WDR53: variants seen among roughly 807,000 people sequenced by gnomAD.
WDR53 encodes WD repeat-containing protein 53.
A neutral mutation model predicts 21.3 loss-of-function variants in WDR53; 19 were observed. The observed-to-expected ratio is 0.89, with a 90% CI of 0.62 to 1.31. The LOEUF is 1.31. Among genes scored for constraint, WDR53 ranks in the 50% most tolerant of loss-of-function variants. The probability of loss-of-function intolerance (pLI) is 0.00; values close to 1 mark genes in which losing one functional copy is unlikely to be tolerated. For missense variants in WDR53, 374 were observed against 423.2 expected (o/e 0.88, Z 1.02); for synonymous variants, 157 against 163.4 (o/e 0.96, Z 0.30).
At chr3:196,566,293 T>C (rs2108712151) in intron 2 of WDR53, among the ~76,000 whole-genome samples, 1 of 152,130 alleles carries the variant, frequency 6.6e-6, no homozygotes, top group East Asian at 1.9e-4. Context: ...TTTCACCATG[T>C]TGCCCAAGCT....
rs772433528 is a variant in WDR53, at chr3:196,554,717, G to C, written c.571C>G (p.Pro191Ala). 1 of 1,614,170 alleles carries C rather than the reference G, an allele frequency of 6.2e-7. No homozygotes were observed. The highest frequency in any genetic ancestry group is 8.5e-7 in the Non-Finnish European group (1 of 1,180,026). ...ETEEMEGPQS[P>A]GQLLNPALAH... ...AGGGCAGGGTTTAAGAGCTGACCAGGTGACTGTGGGCCTTCCATTTCTTCT... is the reference window on the plus strand; with the variant it reads ...AGGGCAGGGTTTAAGAGCTGACCAGCTGACTGTGGGCCTTCCATTTCTTCT... The change falls in exon 4 of 4, where the codon CCT (proline) becomes GCT (alanine). Residue 191 changes from proline (P) to alanine (A), a missense_variant. Coordinates refer to ENST00000332629, the MANE Select transcript of WDR53 (RefSeq NM_182627.3).
At chr3:196,558,940 C>A (rs1225206272) in intron 3 of WDR53, among the ~76,000 whole-genome samples, 1 of 152,208 alleles carries the variant, frequency 6.6e-6, no homozygotes, top group Non-Finnish European at 1.5e-5. Context: ...CTGAGCCTCC[C>A]TTTTTCAAAA....
chr3:196,563,575 C>CTTTTTTTTTTTTTTTTTTT (rs11332529), intron 2 of WDR53, among the ~76,000 whole-genome samples: 1 of 143,756 alleles, frequency 7.0e-6, no homozygotes, highest in African/African-American at 2.6e-5. Flanking sequence ...CAACACAAAG[C>CTTTTTTTTTTTTTTTTTTT]TTTTTTTTTT....
At chr3:196,560,433 G>C (rs1313900114) in intron 3 of WDR53, among the ~76,000 whole-genome samples, 1 of 152,066 alleles carries the variant, frequency 6.6e-6, no homozygotes, top group African/African-American at 2.4e-5. Context: ...GTAGAGACAG[G>C]GTTTCACCAC....
intron 3 of WDR53, among the ~76,000 whole-genome samples, chr3:196,557,104 G>C (rs1010977422): frequency 4.6e-5 from 7 of 152,198 alleles, no homozygotes; most frequent in African/African-American, 1.4e-4. Flanking sequence ...TGGGGCTTAT[G>C]GTTCTGCAAA....
rs2108716157 is a variant in WDR53 at position 196,567,300 on chromosome 3, C to T, written c.-440G>A. ...AACCAAAATGATTGAAGGGCTGTGG[C>T]GCTGGCACTGGTAAGAATGAAAAGA... On this transcript the variant is annotated 5_prime_UTR_variant, in exon 2 of 4. Transcript: ENST00000332629. 2 of 453,708 alleles carry T rather than the reference C, an allele frequency of 4.4e-6. No homozygotes were observed. The highest frequency in any genetic ancestry group is 3.1e-5 in the South Asian group (2 of 64,252). 28.1% of individuals were successfully genotyped at this position (453,708 alleles called of 1,614,324 possible).
intron 2 of WDR53, among the ~76,000 whole-genome samples, chr3:196,565,886 A>T (rs1735339979): frequency 6.6e-6 from 1 of 152,254 alleles, no homozygotes; most frequent in Admixed American, 6.5e-5. Flanking sequence ...GCAACTGGAA[A>T]GCCTGGCAGA....
rs1334308566 is a variant in WDR53, at chr3:196,560,989, G to C, written c.480+7C>G. On this transcript the variant is annotated splice_region_variant and intron_variant, in intron 3 of 3. Coordinates refer to ENST00000332629, the MANE Select transcript of WDR53 (RefSeq NM_182627.3). The stretch of plus-strand genomic sequence containing the variant: ...AATTCCCCAAGTACTCTGTGCAAAA[G>C]CATCACCTGCATATCCAGTCCACAT... 4 of 1,605,296 alleles carry C rather than the reference G, an allele frequency of 2.5e-6. No individual in the cohort carries two copies. Among genetic ancestry groups the C allele is most frequent in the Non-Finnish European group, 2.6e-6 (3 of 1,175,566 alleles).
chr3:196,566,078 A>G (rs1439826635), intron 2 of WDR53, among the ~76,000 whole-genome samples: 1 of 152,164 alleles, frequency 6.6e-6, no homozygotes, highest in Non-Finnish European at 1.5e-5. Flanking sequence ...GGGTGAGGGA[A>G]AGGTGAGTTT....
chr3:196,565,361 G>A (rs1386174548), intron 2 of WDR53, among the ~76,000 whole-genome samples: 3 of 152,012 alleles, frequency 2.0e-5, no homozygotes, highest in Non-Finnish European at 4.4e-5. Context: ...GATCACTTGA[G>A]GTCAGGAGTT....
rs1734285546 is a variant in WDR53 at position 196,556,044 on chromosome 3, T to C, written c.481-1237A>G. The stretch of plus-strand genomic sequence containing the variant: ...CACGAAGGAGTGCTGAAACTTGATA[T>C]GAAAATAGTTTTTTTTTTAAAAATA... On this transcript the variant is annotated intron_variant, in intron 3 of 3. Transcript: ENST00000332629. Among the ~76,000 whole-genome samples the C allele has an allele frequency of 1.3e-5, 2 of 152,066 alleles. 1 individual carries two copies. The highest frequency in any genetic ancestry group is 4.1e-4 in the South Asian group (2 of 4,826).
chr3:196,561,936 C>T lies in WDR53; in HGVS notation c.-16-445G>A, dbSNP rs143363317. Among the ~76,000 whole-genome samples the T allele has an allele frequency of 6.1e-3, 928 of 152,326 alleles. 7 individuals carry two copies. Among genetic ancestry groups the T allele is most frequent in the Admixed American group, 0.011 (167 of 15,292 alleles). ...TAGGGGACTGGGCAAATTACTGAAC[C>T]TGTCACCCACTTTTCTTCTCTATAA... is the stretch of plus-strand genomic sequence containing the variant. On this transcript the variant is annotated intron_variant, in intron 2 of 3. Coordinates refer to ENST00000332629, the MANE Select transcript of WDR53 (RefSeq NM_182627.3).
rs750343865 is a variant in WDR53 at position 196,561,095 on chromosome 3, TTTC to T, written c.378_380del (p.Lys127del). 4 of 1,614,246 alleles carry T rather than the reference TTTC, an allele frequency of 2.5e-6. No homozygotes were observed. The highest frequency in any genetic ancestry group is 3.4e-6 in the Non-Finnish European group (4 of 1,180,048). On this transcript the variant is annotated inframe_deletion, in exon 3 of 4. Transcript: ENST00000332629. ...AATGTCTCTTCAAGGATCTGATAAC[TTTC>T]TTGTTTTCCAAGTCTAGGATTTTGA...
intron 2 of WDR53, among the ~76,000 whole-genome samples, chr3:196,566,218 T>C (rs747586565): frequency 2.0e-5 from 3 of 151,958 alleles, no homozygotes; most frequent in Non-Finnish European, 4.4e-5. Context: ...GTCTCCCAAG[T>C]AGCTGGGATT....
Position 196,567,751 on chromosome 3 carries a change from TTGTGTGTG to T in WDR53, c.-447-452_-447-445del, listed in dbSNP as rs3080583. Among the ~76,000 whole-genome samples the T allele has an allele frequency of 3.4e-3, 485 of 143,656 alleles. 3 individuals carry two copies. The highest frequency in any genetic ancestry group is 0.012 in the African/African-American group (437 of 37,986). The allele number at this position is 143,656 out of a possible 152,430, so 94.2% of individuals were successfully genotyped here. ...GTATAATCAAATAATGCTGAAATTC[TTGTGTGTG>T]TGTGTGTGTGTGTGTGTGTGTGTGT... is the stretch of plus-strand genomic sequence containing the variant. On this transcript the variant is annotated intron_variant, in intron 1 of 3. Transcript: ENST00000332629.
rs764564912 is a variant in WDR53 at position 196,561,452 on chromosome 3, C to G, written c.24G>C (p.Gly8=). Reference sequence around the variant, plus strand: ...TCAGGCAGAGGACAGGAGAAGAATGCCCACCCGTCCACTTGACTGCCATAA... The same window carrying G: ...TCAGGCAGAGGACAGGAGAAGAATGGCCACCCGTCCACTTGACTGCCATAA... MAVKWTG[G]HSSPVLCLNA... Residue 8 remains glycine, a synonymous_variant, in exon 3 of 4, where the codon GGG becomes GGC. Transcript: ENST00000332629. The G allele has an allele frequency of 2.5e-6, 4 of 1,613,176 alleles. No individual in the cohort carries two copies. In the Admixed American group the frequency reaches 6.7e-5, roughly 27 times the overall value.
intron 2 of WDR53, among the ~76,000 whole-genome samples, chr3:196,566,430 T>G (rs80284446): frequency 6.7e-6 from 1 of 149,574 alleles, no homozygotes. Flanking sequence ...TTTTTTTTTT[T>G]GAGACAGAGT....
chr3:196,565,540 C>G (rs1392638499), intron 2 of WDR53, among the ~76,000 whole-genome samples: 5 of 147,020 alleles, frequency 3.4e-5, no homozygotes, highest in Non-Finnish European at 5.9e-5. Flanking sequence ...TGCACTCCAG[C>G]CTGGGTGAGA....
At chr3:196,559,966 A>G (rs1413838258) in intron 3 of WDR53, among the ~76,000 whole-genome samples, 7 of 152,220 alleles carry the variant, frequency 4.6e-5, no homozygotes, top group African/African-American at 1.7e-4. Flanking sequence ...TGCTCAACAG[A>G]CAGAAATCAT....
Sources: gnomAD v4.1 joint callset for allele counts (sites outside exome capture counted in the v4.1 genomes callset) on GRCh38, gnomAD v4.1.1 for gene constraint, MANE v1.5 for transcripts, NCBI Gene and HGNC (gene_info 2026-07-23, HGNC 2026-07-21) for gene names.